Variants in HYDIN observed in about 807,000 individuals in gnomAD.
HYDIN encodes axonemal central pair apparatus protein HYDIN.
A neutral mutation model predicts 403.9 loss-of-function variants in HYDIN; 132 were observed. That is an observed-to-expected ratio of 0.33 (90% CI 0.28 to 0.38). The LOEUF (loss-of-function observed/expected upper bound fraction) is 0.38. Among genes scored for constraint, HYDIN ranks in the 10% least tolerant of loss-of-function variants. The pLI, the probability that HYDIN is intolerant of heterozygous loss-of-function variation, is 1.00. For missense variants in HYDIN, 2,827 were observed against 5,009.5 expected (o/e 0.56, Z 13.15); for synonymous variants, 1,202 against 1,891.7 (o/e 0.64, Z 9.46).
chr16:70,879,610 C>T lies in HYDIN; in HGVS notation c.10362G>A (p.Leu3454=), dbSNP rs2040659381. Residue 3454 remains leucine, a synonymous_variant, in exon 61 of 86, where the codon TTG becomes TTA. Coordinates refer to ENST00000393567, the MANE Select transcript of HYDIN (RefSeq NM_001270974.2). The stretch of plus-strand genomic sequence containing the variant: ...TGGGAGCTGGGAGTTGGTACCTGGG[C>T]AAGCCATCCAAGGTAGCCTCAAAGA... ...QCIFEATLDG[L]PSTLAKSRGL... The T allele has an allele frequency of 2.5e-6, 4 of 1,613,196 alleles. No homozygotes were observed. The highest frequency in any genetic ancestry group is 3.4e-6 in the Non-Finnish European group (4 of 1,179,902).
chr16:70,967,662 T>G (rs951105573), intron 36 of HYDIN, among the ~76,000 whole-genome samples: 1 of 152,086 alleles, frequency 6.6e-6, no homozygotes, highest in African/African-American at 2.4e-5. Flanking sequence ...TTTTTTTGTA[T>G]TTTTTAGTAG....
intron 65 of HYDIN, among the ~76,000 whole-genome samples, chr16:70,870,099 AT>A (rs1186869153): frequency 6.6e-6 from 1 of 152,098 alleles, no homozygotes; most frequent in Non-Finnish European, 1.5e-5. Context: ...GAGGGAGATG[AT>A]TTAGGTTATC....
intron 18 of HYDIN, among the ~76,000 whole-genome samples, chr16:71,051,661 A>AAAAAC (rs2081649724): frequency 9.3e-6 from 1 of 107,912 alleles, no homozygotes; most frequent in Admixed American, 8.9e-5. Flanking sequence ...AAAAAAAAAC[A>AAAAAC]AAAAAAACAA....
chr16:71,027,126 G>A (rs2080735076), intron 20 of HYDIN: 13 of 1,040,160 alleles, frequency 1.2e-5, no homozygotes, highest in Non-Finnish European at 1.5e-5. Flanking sequence ...GATAAATGTG[G>A]CTCTTTTATT....
In HYDIN at chr16:70,948,681, T is replaced by A. The variant is rs558556098; in HGVS notation, c.6531+3740A>T. Among the ~76,000 whole-genome samples, 423 of 151,596 alleles carry A rather than the reference T, an allele frequency of 2.8e-3. 2 individuals are homozygous for A. Among genetic ancestry groups the A allele is most frequent in the African/African-American group, 9.4e-3 (388 of 41,444 alleles). On this transcript the variant is annotated intron_variant, in intron 41 of 85. Transcript: ENST00000393567. ...CAGACACTTCTCAAAAGAAGACATT[T>A]ATGCAGCCAAAAAACACATGAAAAA...
intron 31 of HYDIN, 145 bp downstream of exon 31, chr16:70,974,991 A>T (rs2143996243): frequency 1.8e-6 from 1 of 570,934 alleles, no homozygotes; most frequent in African/African-American, 1.9e-5. Flanking sequence ...ATGCTAGGGG[A>T]TGGCGGATAA....
chr16:70,981,982 G>A (rs1319709988), intron 28 of HYDIN, among the ~76,000 whole-genome samples: 1 of 151,548 alleles, frequency 6.6e-6, no homozygotes, highest in Non-Finnish European at 1.5e-5. Context: ...CAAAAAATTA[G>A]CCAGGCATGG....
intron 6 of HYDIN, among the ~76,000 whole-genome samples, chr16:71,159,454 C>CA (rs1207541656): frequency 3.3e-4 from 5 of 15,284 alleles, no homozygotes; most frequent in East Asian, 2.5e-3. Flanking sequence ...GAGGATAGAA[C>CA]AAAAAAAAAA....
At chr16:70,950,775 C>G (rs1470790973) in intron 41 of HYDIN, among the ~76,000 whole-genome samples, 2 of 152,162 alleles carry the variant, frequency 1.3e-5, no homozygotes, top group Non-Finnish European at 2.9e-5. Context: ...CCTGTTTCTC[C>G]CATTCTATGT....
At chr16:71,115,118 A>T (rs1158804389) in intron 10 of HYDIN, among the ~76,000 whole-genome samples, 1 of 150,738 alleles carries the variant, frequency 6.6e-6, no homozygotes, top group African/African-American at 2.4e-5. Context: ...CTCATCTTGA[A>T]TTATAATTCC....
chr16:71,055,939 C>T (rs1446808241), intron 18 of HYDIN, among the ~76,000 whole-genome samples: 1 of 152,126 alleles, frequency 6.6e-6, no homozygotes, highest in Non-Finnish European at 1.5e-5. Context: ...TAAAAGGAGG[C>T]ATCTGTCCTC....
chr16:71,195,260 A>G (rs2087634025), intron 1 of HYDIN, among the ~76,000 whole-genome samples: 1 of 152,030 alleles, frequency 6.6e-6, no homozygotes, highest in Admixed American at 6.5e-5. Flanking sequence ...GGTTTAAAAA[A>G]AAAAAAAAGA....
At chr16:71,201,809 AAT>A (rs1249577957) in intron 1 of HYDIN, among the ~76,000 whole-genome samples, 3 of 152,204 alleles carry the variant, frequency 2.0e-5, no homozygotes, top group Admixed American at 2.0e-4. Flanking sequence ...TGAGCCAGTC[AAT>A]GTTTTTTGAC....
intron 13 of HYDIN, among the ~76,000 whole-genome samples, chr16:71,074,102 C>G (rs1018821510): frequency 6.6e-6 from 1 of 152,238 alleles, no homozygotes; most frequent in African/African-American, 2.4e-5. Context: ...AGGAATGGAA[C>G]TTAGTGTCAA....
At chr16:70,974,948 C>T (rs552353747) in intron 31 of HYDIN, among the ~76,000 whole-genome samples, 188 bp downstream of exon 31, 2 of 152,152 alleles carry the variant, frequency 1.3e-5, no homozygotes, top group Non-Finnish European at 2.9e-5. Flanking sequence ...AATGTTCTCA[C>T]TCTAAGAGGC....
At chr16:70,909,138 G>C (rs1167950040) in intron 47 of HYDIN, among the ~76,000 whole-genome samples, 1 of 151,184 alleles carries the variant, frequency 6.6e-6, no homozygotes, top group Non-Finnish European at 1.5e-5. Context: ...AATGGACAGC[G>C]GGGATTGTAG....
At chr16:70,971,954 T>C (rs1597444573) in intron 35 of HYDIN, among the ~76,000 whole-genome samples, 1 of 152,348 alleles carries the variant, frequency 6.6e-6, no homozygotes, top group Non-Finnish European at 1.5e-5. Flanking sequence ...CAATTCCTTG[T>C]ATACAGCTAA....
chr16:71,059,917 G>A (rs2082026123), intron 18 of HYDIN, among the ~76,000 whole-genome samples: 1 of 151,910 alleles, frequency 6.6e-6, no homozygotes. Context: ...CATCTATTTT[G>A]TATCTGTCTT....
intron 45 of HYDIN, among the ~76,000 whole-genome samples, chr16:70,931,235 T>TTTA (rs1555575214): frequency 2.2e-5 from 3 of 133,428 alleles, no homozygotes; most frequent in Non-Finnish European, 4.8e-5. Context: ...TTTTTTTTTT[T>TTTA]AATACAGGGT....
Sources: gnomAD v4.1 joint callset for allele counts (sites outside exome capture counted in the v4.1 genomes callset) on GRCh38, gnomAD v4.1.1 for gene constraint, MANE v1.5 for transcripts, NCBI Gene and HGNC (gene_info 2026-07-23, HGNC 2026-07-21) for gene names.